LRP1B: variants seen among roughly 807,000 people sequenced by gnomAD.
LRP1B encodes the protein low-density lipoprotein receptor-related protein 1B.
In LRP1B, 217 loss-of-function variants were observed where a neutral mutation model predicts 556.6. The ratio of observed to expected loss-of-function variants is 0.39; its 90% CI spans 0.35 to 0.44. The LOEUF (loss-of-function observed/expected upper bound fraction) is 0.44. Among genes scored for constraint, LRP1B ranks in the 20% least tolerant of loss-of-function variants. The pLI is 1.00. For missense variants in LRP1B, 5,053 were observed against 5,620.8 expected (o/e 0.90, Z 3.23); for synonymous variants, 2,047 against 1,865.8 (o/e 1.10, Z -2.50).
intron 81 of LRP1B, among the ~76,000 whole-genome samples, chr2:140,322,912 A>AAATTAAAAAGAACTTGAATATAAATT (rs34093975): frequency 1.3e-5 from 2 of 151,846 alleles, no homozygotes; most frequent in Admixed American, 1.3e-4. Flanking sequence ...CTATGAATAT[A>AAATTAAAAAGAACTTGAATATAAATT]AAAAAGAACT....
chr2:141,429,475 G>C (rs1490302787), intron 3 of LRP1B, among the ~76,000 whole-genome samples: 1 of 152,062 alleles, frequency 6.6e-6, no homozygotes, highest in Non-Finnish European at 1.5e-5. Context: ...AAGGAAAACT[G>C]TTTTTATTTT....
chr2:141,986,855 C>A (rs1438784309), intron 1 of LRP1B, among the ~76,000 whole-genome samples: 1 of 152,090 alleles, frequency 6.6e-6, no homozygotes, highest in Non-Finnish European at 1.5e-5. Flanking sequence ...CACAACAATA[C>A]AAGCATCTCT....
chr2:141,354,635 A>G (rs758763186), intron 3 of LRP1B, among the ~76,000 whole-genome samples: 1 of 152,058 alleles, frequency 6.6e-6, no homozygotes, highest in Admixed American at 6.6e-5. Context: ...GGAGGAAAAA[A>G]GTCTGTTAAT....
intron 1 of LRP1B, among the ~76,000 whole-genome samples, chr2:141,944,743 T>C (rs1286951572): frequency 6.6e-6 from 1 of 152,068 alleles, no homozygotes; most frequent in Non-Finnish European, 1.5e-5. Context: ...GAGAATACAA[T>C]AAAATAGATA....
intron 63 of LRP1B, among the ~76,000 whole-genome samples, chr2:140,450,068 T>C (rs1013356515): frequency 1.3e-5 from 2 of 152,188 alleles, no homozygotes; most frequent in Admixed American, 1.3e-4. Context: ...TAAGAACATA[T>C]TAAATTACCT....
chr2:140,795,554 A>C (rs920226933), intron 32 of LRP1B, among the ~76,000 whole-genome samples: 1 of 152,170 alleles, frequency 6.6e-6, no homozygotes, highest in Admixed American at 6.5e-5. Context: ...TTCTTACACC[A>C]TATCAGATAA....
At chr2:140,766,674 C>A (rs964551969) in intron 35 of LRP1B, among the ~76,000 whole-genome samples, 5 of 150,876 alleles carry the variant, frequency 3.3e-5, no homozygotes, top group African/African-American at 1.2e-4. Context: ...GGTTTATTAA[C>A]CTGTGTTTAT....
rs72990129 is a variant in LRP1B at position 140,898,064 on chromosome 2, G to T, written c.3766+4856C>A. On this transcript the variant is annotated intron_variant, in intron 23 of 90. Transcript: ENST00000389484. ...AATTGAAGATGCTCATTCCAGAAAGGGTCTGCCCCATAACCTGGGGGAAGC... is the reference window on the plus strand; with the variant it reads ...AATTGAAGATGCTCATTCCAGAAAGTGTCTGCCCCATAACCTGGGGGAAGC... Among the ~76,000 whole-genome samples the T allele has an allele frequency of 1.8e-3, 276 of 152,172 alleles. 1 individual carries two copies. The highest frequency in any genetic ancestry group is 6.0e-3 in the African/African-American group (248 of 41,526).
At chr2:141,000,598 A>G (rs987657152) in intron 15 of LRP1B, among the ~76,000 whole-genome samples, 1 of 151,750 alleles carries the variant, frequency 6.6e-6, no homozygotes, top group Non-Finnish European at 1.5e-5. Context: ...CTTTCTTCCT[A>G]CATTCCACTT....
In LRP1B at chr2:140,850,195, A is replaced by T; in HGVS notation, c.4846T>A (p.Ser1616Thr). The T allele has an allele frequency of 6.2e-7, 1 of 1,613,676 alleles. No homozygotes were observed. ...DDVTVIDFDA[S>T]EERLYWTDIK... ...TCTGTCCAGTATAAACGTTCCTCAG[A>T]TGCATCGAAGTCTATCACAGTAACG... The change falls in exon 29 of 91, where the codon TCT becomes ACT. Residue 1616 changes from serine to threonine, a missense_variant. Ser to Thr is a moderately conservative substitution (Grantham distance 58). Transcript: ENST00000389484.
intron 4 of LRP1B, among the ~76,000 whole-genome samples, chr2:141,252,582 C>T (rs984985508): frequency 6.6e-6 from 1 of 152,108 alleles, no homozygotes; most frequent in Non-Finnish European, 1.5e-5. Context: ...TAATTCTTAT[C>T]TATTTTCACA....
At chr2:140,798,220 A>C (rs561939548) in intron 32 of LRP1B, among the ~76,000 whole-genome samples, 121 of 152,304 alleles carry the variant, frequency 7.9e-4, no homozygotes, top group Middle Eastern at 6.8e-3. Context: ...TGACTGGCTC[A>C]TGATAGTCAC....
At chr2:140,851,891 C>A (rs1692470036) in intron 27 of LRP1B, 108 bp from the exon 28 acceptor site, 1 of 901,948 alleles carries the variant, frequency 1.1e-6, no homozygotes, top group Non-Finnish European at 1.7e-6. Context: ...AAGTTTCCTA[C>A]ATAGAACCCA....
chr2:140,567,243 C>T (rs1443975845), intron 43 of LRP1B, among the ~76,000 whole-genome samples: 1 of 152,146 alleles, frequency 6.6e-6, no homozygotes, highest in African/African-American at 2.4e-5. Context: ...CAAGCAACAG[C>T]TGTGTTCTGC....
intron 3 of LRP1B, among the ~76,000 whole-genome samples, chr2:141,445,075 T>G (rs370400957): frequency 6.6e-6 from 1 of 152,232 alleles, no homozygotes; most frequent in Admixed American, 6.5e-5. Flanking sequence ...TTTTGGTTGG[T>G]AGGCTATTAA....
At chr2:141,987,782 A>G (rs1214629117) in intron 1 of LRP1B, among the ~76,000 whole-genome samples, 1 of 151,816 alleles carries the variant, frequency 6.6e-6, no homozygotes, top group Non-Finnish European at 1.5e-5. Context: ...TATGCATATT[A>G]TTTCTTATTT....
intron 1 of LRP1B, among the ~76,000 whole-genome samples, chr2:141,868,783 T>A (rs1485691156): frequency 2.0e-5 from 3 of 152,074 alleles, no homozygotes; most frequent in Non-Finnish European, 2.9e-5. Flanking sequence ...CTATAGTAAA[T>A]TGATGAAAAT....
chr2:141,519,376 TATATATATATATATATATATATATATGAA>T (rs775944135), intron 2 of LRP1B, among the ~76,000 whole-genome samples: 1,644 of 45,634 alleles, frequency 0.036, 66 homozygotes, highest in South Asian at 0.065. Context: ...TATATATATA[TATATATATATATATATATATATATATGAA>T]ATGCAATATT....
rs1309551550 is a variant in LRP1B at position 141,238,242 on chromosome 2, CCAGTGGAAAA to C, written c.593-8812_593-8803del. On this transcript the variant is annotated intron_variant, in intron 5 of 90. Transcript: ENST00000389484. Reference sequence around the variant, plus strand: ...CTCCTAGTGACCTTTCTAATTGTAGCCAGTGGAAAATACTTTAGCTACAGAAAAATATTTT... The same window carrying C: ...CTCCTAGTGACCTTTCTAATTGTAGCTACTTTAGCTACAGAAAAATATTTT... Among the ~76,000 whole-genome samples, 3 of 152,148 alleles carry C rather than the reference CCAGTGGAAAA, an allele frequency of 2.0e-5. No homozygotes were observed. In the East Asian group the frequency reaches 5.8e-4, roughly 29 times the overall value.
Sources: allele counts gnomAD v4.1 joint callset (sites outside exome capture counted in the v4.1 genomes callset), GRCh38; gene constraint gnomAD v4.1.1; transcripts MANE v1.5; gene names NCBI Gene and HGNC (gene_info 2026-07-23, HGNC 2026-07-21).